USP34: variants seen among roughly 807,000 people sequenced by gnomAD.
USP34 encodes ubiquitin carboxyl-terminal hydrolase 34.
USP34 carries 70 observed loss-of-function variants against 460.3 expected under a neutral mutation model. The observed-to-expected ratio is 0.15, with a 90% CI of 0.13 to 0.19. USP34 has a LOEUF of 0.19. Among genes scored for constraint, USP34 ranks in the 10% least tolerant of loss-of-function variants. The pLI is 1.00. For missense variants in USP34, 3,985 were observed against 4,236.2 expected (o/e 0.94, Z 1.65); for synonymous variants, 1,647 against 1,405.3 (o/e 1.17, Z -3.85).
At chr2:61,363,192 T>C (rs1362999174) in intron 10 of USP34, among the ~76,000 whole-genome samples, 1 of 152,164 alleles carries the variant, frequency 6.6e-6, no homozygotes, top group Non-Finnish European at 1.5e-5. Context: ...CTGAATTTTT[T>C]TTCAAAATGG....
chr2:61,195,335 A>AT, intron 75 of USP34, among the ~76,000 whole-genome samples: 1 of 150,434 alleles, frequency 6.6e-6, no homozygotes, highest in Non-Finnish European at 1.5e-5. Flanking sequence ...ATGAGCCATC[A>AT]TATCCGGCTG....
intron 15 of USP34, among the ~76,000 whole-genome samples, chr2:61,344,503 G>A (rs887461227): frequency 3.9e-5 from 6 of 152,006 alleles, no homozygotes; most frequent in Admixed American, 2.0e-4. Context: ...CATTGTTACC[G>A]GACATAAAGA....
At chr2:61,311,429 GAAAGA>G (rs1690588133) in intron 27 of USP34, 106 bp downstream of exon 27, 4 of 973,160 alleles carry the variant, frequency 4.1e-6, no homozygotes, top group East Asian at 3.3e-5. Flanking sequence ...ATATAACCAA[GAAAGA>G]AAAGAAAAGG....
intron 15 of USP34, among the ~76,000 whole-genome samples, chr2:61,344,461 C>CTT (rs1691701426): frequency 3.3e-5 from 5 of 152,140 alleles, no homozygotes; most frequent in African/African-American, 1.2e-4. Context: ...TCTAACCAAA[C>CTT]AAACCCAAAT....
chr2:61,262,061 A>G (rs1688896325), intron 43 of USP34, among the ~76,000 whole-genome samples: 1 of 134,716 alleles, frequency 7.4e-6, no homozygotes, highest in Admixed American at 8.4e-5. Flanking sequence ...ACTGCACTCT[A>G]GCTTGGGTAA....
In USP34 at chr2:61,361,442, T is replaced by C. The variant is rs891916280; in HGVS notation, c.1251+8879A>G. Among the ~76,000 whole-genome samples, 5 of 152,192 alleles carry C rather than the reference T, an allele frequency of 3.3e-5. No individual in the cohort carries two copies. In the East Asian group the frequency reaches 5.8e-4, roughly 18 times the overall value. ...GTCCATTAAAAATACATATTATATA[T>C]GGCACTGGCATAAAAACAGACATAT... On this transcript the variant is annotated intron_variant, in intron 10 of 79. Transcript: ENST00000398571.
chr2:61,280,769 T>G (rs1558507479), intron 38 of USP34, among the ~76,000 whole-genome samples: 1 of 152,154 alleles, frequency 6.6e-6, no homozygotes, highest in African/African-American at 2.4e-5. Flanking sequence ...TGTGACTTAC[T>G]AGAGAAGAGA....
At chr2:61,387,625 T>C (rs1355198159) in intron 5 of USP34, among the ~76,000 whole-genome samples, 1 of 147,440 alleles carries the variant, frequency 6.8e-6, no homozygotes, top group Non-Finnish European at 1.5e-5. Flanking sequence ...TATATATTTT[T>C]ACATATACAC....
intron 25 of USP34, 99 bp downstream of exon 25, chr2:61,314,486 G>A: frequency 9.2e-7 from 1 of 1,090,736 alleles, no homozygotes; most frequent in Non-Finnish European, 1.2e-6. Flanking sequence ...CTTTCTACTT[G>A]ACCCCAACAA....
chr2:61,283,804 T>G (rs1219403132), intron 35 of USP34, among the ~76,000 whole-genome samples: 3 of 152,138 alleles, frequency 2.0e-5, no homozygotes, highest in African/African-American at 7.2e-5. Flanking sequence ...GAGACTATAT[T>G]TTAAGAGAGC....
chr2:61,466,837 G>A (rs750635877), intron 1 of USP34, among the ~76,000 whole-genome samples: 17 of 151,868 alleles, frequency 1.1e-4, no homozygotes, highest in Admixed American at 7.9e-4. Flanking sequence ...ACTTGAATCC[G>A]GGAGGTGGAG....
At chr2:61,445,298 G>A (rs1374695349) in intron 1 of USP34, among the ~76,000 whole-genome samples, 1 of 150,346 alleles carries the variant, frequency 6.7e-6, no homozygotes, top group East Asian at 1.9e-4. Flanking sequence ...CACTTTGGGA[G>A]GCCGAGGCGG....
At chr2:61,453,661 G>C (rs1695348069) in intron 1 of USP34, among the ~76,000 whole-genome samples, 2 of 127,242 alleles carry the variant, frequency 1.6e-5, no homozygotes, top group Non-Finnish European at 3.1e-5. Context: ...ACTGAGCCAA[G>C]ATTCCACCAC....
At chr2:61,265,122 C>T (rs1428154365) in intron 43 of USP34, 7 of 258,844 alleles carry the variant, frequency 2.7e-5, no homozygotes, top group South Asian at 1.2e-4. Context: ...CCAGTGAATG[C>T]GTTTTTACTG....
At chr2:61,286,925 G>A (rs1689707171) in intron 34 of USP34, among the ~76,000 whole-genome samples, 1 of 151,814 alleles carries the variant, frequency 6.6e-6, no homozygotes, top group Non-Finnish European at 1.5e-5. Flanking sequence ...AATAAACATT[G>A]GAATTATTTA....
At position 61,370,404 on chromosome 2, in the gene USP34, G is replaced by C; in HGVS notation, c.1168C>G (p.Gln390Glu). ...GPNLHIEIIKQCQVILNFLAA... is the reference protein window; with the variant it reads ...GPNLHIEIIKECQVILNFLAA... The stretch of plus-strand genomic sequence containing the variant: ...AAAAAATTCAAAATCACTTGGCACT[G>C]TTTGATAATCTGGAAAAGAAAAACT... Residue 390 changes from glutamine to glutamate, a missense_variant, in exon 10 of 80, where the codon CAG (glutamine) becomes GAG (glutamate). Physicochemically the swap from Gln to Glu is conservative, Grantham distance 29. Transcript: ENST00000398571. 1 of 1,613,918 alleles carries C rather than the reference G, an allele frequency of 6.2e-7. No individual in the cohort carries two copies. The highest frequency in any genetic ancestry group is 8.5e-7 in the Non-Finnish European group (1 of 1,179,950).
At chr2:61,388,971 A>C (rs1693257689) in intron 5 of USP34, among the ~76,000 whole-genome samples, 1 of 152,192 alleles carries the variant, frequency 6.6e-6, no homozygotes, top group South Asian at 2.1e-4. Context: ...ATTCAACAAT[A>C]AAAATGAACA....
At chr2:61,191,974 A>T (rs1183919432) in intron 76 of USP34, among the ~76,000 whole-genome samples, 1 of 152,186 alleles carries the variant, frequency 6.6e-6, no homozygotes. Context: ...ACAACGTGGC[A>T]TTTCTTCAGG....
intron 1 of USP34, among the ~76,000 whole-genome samples, chr2:61,421,782 C>T (rs1300491499): frequency 6.9e-6 from 1 of 144,522 alleles, no homozygotes; most frequent in African/African-American, 2.4e-5. Context: ...AAAACACACA[C>T]ACACACACAC....
Sources: gnomAD v4.1 joint callset for allele counts (sites outside exome capture counted in the v4.1 genomes callset) on GRCh38, gnomAD v4.1.1 for gene constraint, MANE v1.5 for transcripts, NCBI Gene and HGNC (gene_info 2026-07-23, HGNC 2026-07-21) for gene names.